The following CRISP1 variants were observed in gnomAD, a reference collection of about 807,000 sequenced individuals.
CRISP1 encodes cysteine-rich secretory protein 1.
In CRISP1, 44 loss-of-function variants were observed where a neutral mutation model predicts 33.1. The ratio of observed to expected loss-of-function variants is 1.33; its 90% CI spans 1.05 to 1.71. The LOEUF is 1.71. CRISP1 is among the 40% of genes most tolerant of loss of function. The pLI is 0.00. For synonymous variants in CRISP1, 103 were observed against 98.7 expected (o/e 1.04, Z -0.26); for missense variants, 390 against 301.2 (o/e 1.29, Z -2.18).
chr6:49,859,671 A>G (rs1045227901), intron 1 of CRISP1, among the ~76,000 whole-genome samples: 5 of 152,166 alleles, frequency 3.3e-5, no homozygotes, highest in South Asian at 4.1e-4. Flanking sequence ...TTATCACTAC[A>G]TAAAACTACC....
At chr6:49,854,345 G>T (rs1316370646) in intron 2 of CRISP1, among the ~76,000 whole-genome samples, 1 of 152,066 alleles carries the variant, frequency 6.6e-6, no homozygotes, top group Non-Finnish European at 1.5e-5. Flanking sequence ...GCCCTTCCCA[G>T]CAGTGTTTAT....
At chr6:49,872,917 G>T (rs1771958943) in intron 1 of CRISP1, among the ~76,000 whole-genome samples, 2 of 151,946 alleles carry the variant, frequency 1.3e-5, no homozygotes, top group African/African-American at 2.4e-5. Context: ...CTTTAATGTA[G>T]TTTTTTCCAA....
At position 49,840,989 on chromosome 6, in the gene CRISP1, A is replaced by G. The variant is rs1182586034; in HGVS notation, c.442T>C (p.Trp148Arg). The change falls in exon 6 of 8, where the codon TGG becomes CGG. Residue 148 changes from tryptophan (W) to arginine (R), a missense_variant. By Grantham distance (101) the Trp-to-Arg change is moderately radical (BLOSUM62 -3). Transcript: ENST00000335847. Reference sequence around the variant, plus strand: ...CAGCCAATCAGGTAAGATGTGGCCCAAACAATCTGCAATGATAAAGAGTTG... The same window carrying G: ...CAGCCAATCAGGTAAGATGTGGCCCGAACAATCTGCAATGATAAAGAGTTG... ...ITTDHYTQIV[W>R]ATSYLIGCAI... The G allele has an allele frequency of 1.2e-6, 2 of 1,613,048 alleles. No individual in the cohort carries two copies. The highest frequency in any genetic ancestry group is 2.2e-5 in the East Asian group (1 of 44,884).
At chr6:49,843,369 T>A (rs1484434275) in intron 5 of CRISP1, among the ~76,000 whole-genome samples, 1 of 152,322 alleles carries the variant, frequency 6.6e-6, no homozygotes, top group African/African-American at 2.4e-5. Context: ...TGCCTCTTTT[T>A]TATATGCTTT....
intron 5 of CRISP1, 31 bp from the exon 6 acceptor site, chr6:49,841,026 A>T: frequency 6.5e-7 from 1 of 1,537,002 alleles, no homozygotes; most frequent in Non-Finnish European, 9.0e-7. Context: ...TTTATTACAG[A>T]TTAAATATTT....
chr6:49,839,269 C>A (rs1770905566), intron 6 of CRISP1, among the ~76,000 whole-genome samples: 1 of 15,536 alleles, frequency 6.4e-5, no homozygotes, highest in Non-Finnish European at 1.2e-4. Flanking sequence ...ATCTTCATAT[C>A]TACAAAAAAA....
chr6:49,846,643 A>T lies in CRISP1; in HGVS notation c.312T>A (p.His104Gln), dbSNP rs751048125. The T allele has an allele frequency of 6.2e-6, 10 of 1,613,372 alleles. No homozygotes were observed. Among genetic ancestry groups the T allele is most frequent in the African/African-American group, 1.3e-5 (1 of 74,900 alleles). Residue 104 changes from histidine (H) to glutamine (Q), a missense_variant, in exon 5 of 8, where the codon CAT becomes CAA. Physicochemically the swap from His to Gln is conservative, Grantham distance 24. Coordinates refer to ENST00000335847, the MANE Select transcript of CRISP1 (RefSeq NM_001131.3). Reference sequence around the variant, plus strand: ...ACCATGATACAGGATAAGATGTCATATGCATATTTTCTCCACAAAAGGTAT... The same window carrying T: ...ACCATGATACAGGATAAGATGTCATTTGCATATTTTCTCCACAAAAGGTAT... The part of the protein sequence containing the change: ...LPNTFCGENM[H>Q]MTSYPVSWSS...
rs549398921 is a variant in CRISP1, at chr6:49,851,972, T to C, written c.195+29A>G. 5.6e-6 allele frequency: 9 copies of C among 1,595,340 alleles called. No individual in the cohort carries two copies. In the African/African-American group the frequency reaches 1.1e-4, roughly 19 times the overall value. ...GTAAACACCATTACTATTATTGCAA[T>C]CATGGTTGTTGCTATTTTTTGATCT... On this transcript the variant is annotated intron_variant, in intron 3 of 7. Transcript: ENST00000335847.
At chr6:49,854,387 GAGA>G (rs963752182) in intron 2 of CRISP1, among the ~76,000 whole-genome samples, 2 of 151,686 alleles carry the variant, frequency 1.3e-5, no homozygotes, top group Admixed American at 6.6e-5. Flanking sequence ...CTCTTTTTTT[GAGA>G]AGAAGTCTCA....
chr6:49,872,390 A>C (rs1209402651), intron 1 of CRISP1, among the ~76,000 whole-genome samples: 3 of 151,886 alleles, frequency 2.0e-5, no homozygotes, highest in African/African-American at 4.8e-5. Flanking sequence ...GCTGTGCAGA[A>C]GCTCTTTAGT....
At chr6:49,871,152 G>GA (rs1376803160), upstream of CRISP1, among the ~76,000 whole-genome samples, 4 of 149,952 alleles carry the variant, frequency 2.7e-5, no homozygotes, top group Admixed American at 2.0e-4. Context: ...AAGAAAGAAA[G>GA]AAAAAAATAA....
intron 5 of CRISP1, among the ~76,000 whole-genome samples, chr6:49,843,565 T>A (rs1039842865): frequency 3.9e-5 from 6 of 152,192 alleles, no homozygotes; most frequent in African/African-American, 1.4e-4. Context: ...ACTTCCAGCC[T>A]TTGTGAATTC....
At chr6:49,871,911 A>G (rs975112965) in intron 1 of CRISP1, among the ~76,000 whole-genome samples, 6 of 152,190 alleles carry the variant, frequency 3.9e-5, no homozygotes, top group Admixed American at 3.9e-4. Context: ...TTGGGTATAT[A>G]CCTAGTAATG....
At chr6:49,862,614 T>C (rs1771683325) in intron 1 of CRISP1, among the ~76,000 whole-genome samples, 3 of 152,152 alleles carry the variant, frequency 2.0e-5, no homozygotes, top group African/African-American at 7.2e-5. Flanking sequence ...GATTATGGGA[T>C]AATCGGTATC....
chr6:49,876,016 G>A (rs1057290909), intron 1 of CRISP1, among the ~76,000 whole-genome samples: 1 of 152,008 alleles, frequency 6.6e-6, no homozygotes. Flanking sequence ...AATGCCAAAA[G>A]CAATTTCAAT....
intron 1 of CRISP1, among the ~76,000 whole-genome samples, chr6:49,872,045 A>G (rs1771935980): frequency 6.6e-6 from 1 of 152,144 alleles, no homozygotes; most frequent in African/African-American, 2.4e-5. Context: ...ATTTCTCCAC[A>G]TCCTCTCCAG....
chr6:49,840,898 T>A lies in CRISP1; in HGVS notation c.533A>T (p.Glu178Val), dbSNP rs1223653360. The stretch of plus-strand genomic sequence containing the variant: ...TATTTTAAAAACTAATAATACATAC[T>A]CATGACAATAGTGACAAACGTAGAG... The part of the protein sequence containing the change: ...RYLYVCHYCH[E>V]GNDPETKNEP... Residue 178 changes from glutamate (E) to valine (V), a missense_variant and splice_region_variant, in exon 6 of 8, where the codon GAG (glutamate) becomes GTG (valine). Glu to Val is a moderately radical substitution (Grantham distance 121). Transcript: ENST00000335847. 2 of 1,610,480 alleles carry A rather than the reference T, an allele frequency of 1.2e-6. No individual in the cohort carries two copies. Among genetic ancestry groups the A allele is most frequent in the African/African-American group, 2.7e-5 (2 of 74,820 alleles).
upstream of CRISP1, among the ~76,000 whole-genome samples, chr6:49,868,412 A>G (rs1476837821): frequency 6.6e-6 from 1 of 152,192 alleles, no homozygotes; most frequent in Non-Finnish European, 1.5e-5. Flanking sequence ...GGATTATCCC[A>G]GAAAAATCTT....
In CRISP1 at chr6:49,876,041, C is replaced by T. The variant is rs146134600; in HGVS notation, c.-3+968G>A. 1.1e-3 allele frequency among the ~76,000 whole-genome samples: 173 copies of T among 152,052 alleles called. 1 individual carries two copies. Among genetic ancestry groups the T allele is most frequent in the African/African-American group, 4.0e-3 (164 of 41,482 alleles). On this transcript the variant is annotated intron_variant, in intron 1 of 7. Coordinates refer to the CRISP1 transcript ENST00000505118. ...GCAATTTCAATAAAGCAAAAATAGA[C>T]AAATGGGATCTAATTAAACTAAAGA...
Sources: allele counts gnomAD v4.1 joint callset (sites outside exome capture counted in the v4.1 genomes callset), GRCh38; gene constraint gnomAD v4.1.1; transcripts MANE v1.5; gene names NCBI Gene and HGNC (gene_info 2026-07-23, HGNC 2026-07-21).